ST6GALNAC3: variants seen among roughly 807,000 people sequenced by gnomAD.
The protein encoded by ST6GALNAC3 is alpha-N-acetylgalactosaminide alpha-2,6-sialyltransferase 3.
Under a neutral mutation model 32.7 loss-of-function variants are expected in ST6GALNAC3, and 25 were observed. The ratio of observed to expected loss-of-function variants is 0.76; its 90% CI spans 0.56 to 1.07. The LOEUF is 1.07. ST6GALNAC3 is among the 50% of genes least tolerant of loss of function. ST6GALNAC3 has a pLI of 0.00. For missense variants in ST6GALNAC3, 355 were observed against 382.4 expected, an observed-to-expected ratio of 0.93 and a Z score of 0.60; for synonymous variants, 129 against 133.1, an observed-to-expected ratio of 0.97 and a Z score of 0.21.
intron 3 of ST6GALNAC3, among the ~76,000 whole-genome samples, chr1:76,597,835 G>A (rs2783382): frequency 6.6e-6 from 1 of 152,114 alleles, no homozygotes; most frequent in Non-Finnish European, 1.5e-5. Flanking sequence ...CATTCCTAAT[G>A]TGATGCTTTC....
intron 3 of ST6GALNAC3, among the ~76,000 whole-genome samples, chr1:76,601,043 C>T (rs754905015): frequency 6.6e-5 from 10 of 151,852 alleles, no homozygotes; most frequent in Non-Finnish European, 1.5e-4. Flanking sequence ...TAAATAAATA[C>T]AAAAATTAGC....
intron 1 of ST6GALNAC3, among the ~76,000 whole-genome samples, chr1:76,293,892 T>C (rs1660238012): frequency 6.6e-6 from 1 of 152,086 alleles, no homozygotes; most frequent in South Asian, 2.1e-4. Context: ...TATACACATA[T>C]GCACGTGCTT....
At chr1:76,492,877 T>C (rs1429914268) in intron 3 of ST6GALNAC3, among the ~76,000 whole-genome samples, 1 of 152,142 alleles carries the variant, frequency 6.6e-6, no homozygotes, top group Non-Finnish European at 1.5e-5. Context: ...CCTTCACCTG[T>C]TCTACTAACT....
chr1:76,115,484 G>A (rs941102329), intron 1 of ST6GALNAC3, among the ~76,000 whole-genome samples: 1 of 152,160 alleles, frequency 6.6e-6, no homozygotes, highest in African/African-American at 2.4e-5. Flanking sequence ...CAGGAGCTGT[G>A]GGTCTTAAGC....
At chr1:76,198,614 GGA>G (rs1432098583) in intron 1 of ST6GALNAC3, among the ~76,000 whole-genome samples, 2 of 152,168 alleles carry the variant, frequency 1.3e-5, no homozygotes, top group East Asian at 3.8e-4. Context: ...GAATGGTGGA[GGA>G]GAGAGAGGAA....
chr1:76,599,292 T>C (rs546150411), intron 3 of ST6GALNAC3, among the ~76,000 whole-genome samples: 3 of 152,154 alleles, frequency 2.0e-5, no homozygotes, highest in African/African-American at 7.2e-5. Flanking sequence ...TAAACTTTTT[T>C]AATTATACTT....
chr1:76,459,563 C>CA (rs34570106), intron 3 of ST6GALNAC3, among the ~76,000 whole-genome samples: 317 of 125,916 alleles, frequency 2.5e-3, no homozygotes, highest in East Asian at 9.1e-3. Context: ...GACTCCATCT[C>CA]AAAAAAAAAA....
rs937724960 is a variant in ST6GALNAC3, at chr1:76,494,443, A to G, written c.623+82026A>G. 1.1e-4 allele frequency among the ~76,000 whole-genome samples: 8 copies of G among 75,084 alleles called. 1 individual carries two copies. In the South Asian group the frequency reaches 5.2e-3, roughly 49 times the overall value. The allele number at this position is 75,084 out of a possible 152,430, so 49.3% of individuals were successfully genotyped here. A position where few individuals can be genotyped will look rare whatever the true frequency, so the allele number is the denominator to read the frequency against. Reference sequence around the variant, plus strand: ...TGTGTGCATGTGTATATATATATATATATATATATATATATATATATATAT... The same window carrying G: ...TGTGTGCATGTGTATATATATATATGTATATATATATATATATATATATAT... On this transcript the variant is annotated intron_variant, in intron 3 of 4. Transcript: ENST00000328299.
intron 3 of ST6GALNAC3, among the ~76,000 whole-genome samples, chr1:76,580,435 T>A (rs1249157269): frequency 6.6e-6 from 1 of 152,162 alleles, no homozygotes; most frequent in Non-Finnish European, 1.5e-5. Flanking sequence ...TGGAGATAGC[T>A]CCTGAAGGAG....
At chr1:76,249,851 T>A (rs978092227) in intron 1 of ST6GALNAC3, among the ~76,000 whole-genome samples, 51 of 152,294 alleles carry the variant, frequency 3.3e-4, no homozygotes, top group African/African-American at 1.1e-3. Flanking sequence ...TTTCTGTTGA[T>A]TAATAATGTT....
intron 1 of ST6GALNAC3, among the ~76,000 whole-genome samples, chr1:76,312,237 T>G (rs1285941798): frequency 6.6e-6 from 1 of 152,136 alleles, no homozygotes; most frequent in Non-Finnish European, 1.5e-5. Flanking sequence ...TGCAGAAAAC[T>G]GAAACTGGAC....
At chr1:76,424,181 CT>C (rs796983924) in intron 3 of ST6GALNAC3, among the ~76,000 whole-genome samples, 51 of 152,028 alleles carry the variant, frequency 3.4e-4, no homozygotes, top group African/African-American at 1.2e-3. Context: ...GCAAATTTCA[CT>C]TTTGCTTCAT....
chr1:76,388,675 C>G (rs995547742), intron 2 of ST6GALNAC3, among the ~76,000 whole-genome samples: 2 of 152,194 alleles, frequency 1.3e-5, no homozygotes, highest in Non-Finnish European at 2.9e-5. Flanking sequence ...GTACTTGAAG[C>G]TTCAGTGAAC....
At chr1:76,318,780 C>A (rs866280488) in intron 2 of ST6GALNAC3, among the ~76,000 whole-genome samples, 58 of 152,184 alleles carry the variant, frequency 3.8e-4, no homozygotes, top group Middle Eastern at 6.8e-3. Flanking sequence ...CCTATTTTCC[C>A]CTTGAAACAA....
chr1:76,478,311 G>C (rs1429167402), intron 3 of ST6GALNAC3, among the ~76,000 whole-genome samples: 1 of 152,150 alleles, frequency 6.6e-6, no homozygotes, highest in African/African-American at 2.4e-5. Context: ...GCAGTCAAAG[G>C]TTATTTTGTT....
At chr1:76,580,741 T>A (rs1646880945) in intron 3 of ST6GALNAC3, among the ~76,000 whole-genome samples, 1 of 152,136 alleles carries the variant, frequency 6.6e-6, no homozygotes, top group Non-Finnish European at 1.5e-5. Flanking sequence ...ATTTAAGGCA[T>A]AAATCTATTT....
intron 2 of ST6GALNAC3, among the ~76,000 whole-genome samples, chr1:76,399,949 A>G (rs116574656): frequency 0.025 from 3,788 of 152,268 alleles, 167 homozygotes; most frequent in African/African-American, 0.084. Context: ...ATAACAAATT[A>G]TATATGAATT....
intron 2 of ST6GALNAC3, among the ~76,000 whole-genome samples, chr1:76,345,930 C>T (rs1648467440): frequency 1.3e-5 from 2 of 152,086 alleles, no homozygotes; most frequent in African/African-American, 4.8e-5. Context: ...TAGATGTCCT[C>T]CTGACTCTCT....
At chr1:76,599,176 CTT>C (rs934736990) in intron 3 of ST6GALNAC3, among the ~76,000 whole-genome samples, 1 of 151,406 alleles carries the variant, frequency 6.6e-6, no homozygotes, top group Non-Finnish European at 1.5e-5. Context: ...TAAATTCTCT[CTT>C]GTAATTTTCT....
Sources: allele counts gnomAD v4.1 joint callset (sites outside exome capture counted in the v4.1 genomes callset), GRCh38; gene constraint gnomAD v4.1.1; transcripts MANE v1.5; gene names NCBI Gene and HGNC (gene_info 2026-07-23, HGNC 2026-07-21).